Variants in ACYP2 observed in about 807,000 individuals in gnomAD.
ACYP2 encodes acylphosphatase 2, also known as acylphosphatase-2.
ACYP2 carries 12 observed loss-of-function variants against 11.2 expected under a neutral mutation model. That is an observed-to-expected ratio of 1.08 (90% CI 0.69 to 1.74). The LOEUF (loss-of-function observed/expected upper bound fraction) is 1.74. Among genes scored for constraint, ACYP2 ranks in the 40% most tolerant of loss-of-function variants. The pLI is 0.00. For missense variants in ACYP2, 134 were observed against 101.9 expected, an observed-to-expected ratio of 1.31 and a Z score of -1.35; for synonymous variants, 43 against 32.2, an observed-to-expected ratio of 1.33 and a Z score of -1.13.
intron 2 of ACYP2, among the ~76,000 whole-genome samples, chr2:54,045,577 G>T (rs1228610090): frequency 6.6e-6 from 1 of 152,122 alleles, no homozygotes; most frequent in Non-Finnish European, 1.5e-5. Flanking sequence ...AGCACTTTGG[G>T]AGGCCGAGGC....
chr2:54,049,838 G>A (rs1319506760), intron 2 of ACYP2, among the ~76,000 whole-genome samples: 1 of 152,010 alleles, frequency 6.6e-6, no homozygotes, highest in African/African-American at 2.4e-5. Context: ...TTTCTTCCTG[G>A]CACTATACTT....
rs535705695 is a variant in ACYP2 at position 54,304,818 on chromosome 2, G to A, written c.*16G>A. ...TAGATACTAATAGAAGAGAAAAATT[G>A]TAACACACTGAACAATAGATACTGT... On this transcript the variant is annotated 3_prime_UTR_variant, in exon 7 of 7. Transcript: ENST00000607452. 3.6e-6 allele frequency: 5 copies of A among 1,380,360 alleles called. No individual in the cohort carries two copies. The South Asian group carries it at 4.7e-5, about 13-fold the overall frequency. 85.5% of individuals were successfully genotyped at this position (1,380,360 alleles called of 1,614,324 possible). A position where few individuals can be genotyped will look rare whatever the true frequency, so the allele number is the denominator to read the frequency against.
intron 6 of ACYP2, among the ~76,000 whole-genome samples, chr2:54,231,531 G>A (rs1686237275): frequency 1.3e-5 from 2 of 152,174 alleles, no homozygotes; most frequent in African/African-American, 2.4e-5. Flanking sequence ...GGTAAAAGCA[G>A]GCATCACCAT....
chr2:54,190,503 T>C (rs906274975), intron 6 of ACYP2, among the ~76,000 whole-genome samples: 2 of 151,978 alleles, frequency 1.3e-5, no homozygotes, highest in Non-Finnish European at 2.9e-5. Flanking sequence ...CAATTATCTG[T>C]CTTCGTATCT....
chr2:54,234,908 C>T (rs1002180447), intron 6 of ACYP2, among the ~76,000 whole-genome samples: 1 of 152,132 alleles, frequency 6.6e-6, no homozygotes, highest in South Asian at 2.1e-4. Context: ...AATTCATGTT[C>T]CTCTGATGGG....
chr2:53,980,951 C>T (rs745794130), intron 2 of ACYP2, among the ~76,000 whole-genome samples: 3 of 151,930 alleles, frequency 2.0e-5, no homozygotes, highest in African/African-American at 4.8e-5. Flanking sequence ...GGGGTTTTGC[C>T]GTGTTGCCCA....
Position 54,252,678 on chromosome 2 carries a change from C to T in ACYP2, c.405-52010C>T, listed in dbSNP as rs540179414. 4.6e-5 allele frequency among the ~76,000 whole-genome samples: 7 copies of T among 152,008 alleles called. No individual in the cohort carries two copies. In the South Asian group the frequency reaches 8.3e-4, roughly 18 times the overall value. ...TAAAATAAATATGCCAATGGTCGGGCGGATCACAAGGTCAGGAGATTTGAG... is the reference window on the plus strand; with the variant it reads ...TAAAATAAATATGCCAATGGTCGGGTGGATCACAAGGTCAGGAGATTTGAG... On this transcript the variant is annotated intron_variant, in intron 6 of 6. Coordinates refer to ENST00000607452, the MANE Select transcript of ACYP2 (RefSeq NM_001320586.2).
rs796821429 is a variant in ACYP2, at chr2:54,077,658, A to C, written c.277+20298A>C. Reference sequence around the variant, plus strand: ...AGAGTGTCCAGCAAAATTGTTCTGCAAGGGAAGCAGCCCTTCAAGGAGGCT... The same window carrying C: ...AGAGTGTCCAGCAAAATTGTTCTGCCAGGGAAGCAGCCCTTCAAGGAGGCT... On this transcript the variant is annotated intron_variant, in intron 4 of 6. Transcript: ENST00000607452. Among the ~76,000 whole-genome samples, 7 of 152,372 alleles carry C rather than the reference A, an allele frequency of 4.6e-5. 1 individual carries two copies. The highest frequency in any genetic ancestry group is 1.4e-4 in the African/African-American group (6 of 41,594).
At chr2:54,202,374 T>G (rs1197741291) in intron 6 of ACYP2, among the ~76,000 whole-genome samples, 5 of 150,468 alleles carry the variant, frequency 3.3e-5, no homozygotes, top group Admixed American at 6.6e-5. Flanking sequence ...CCCAAAGTGC[T>G]GGGATTACAG....
At chr2:54,003,241 C>G (rs1573492704) in intron 2 of ACYP2, among the ~76,000 whole-genome samples, 1 of 152,050 alleles carries the variant, frequency 6.6e-6, no homozygotes, top group Non-Finnish European at 1.5e-5. Flanking sequence ...AGCCAGTGCG[C>G]CCAGCCGAGC....
At chr2:54,238,403 A>T (rs181900052) in intron 6 of ACYP2, among the ~76,000 whole-genome samples, 2 of 152,326 alleles carry the variant, frequency 1.3e-5, no homozygotes, top group East Asian at 3.9e-4. Flanking sequence ...AGGAGAATGA[A>T]TGAATGATTA....
At chr2:54,108,470 G>T (rs1267488836) in intron 4 of ACYP2, among the ~76,000 whole-genome samples, 1 of 152,188 alleles carries the variant, frequency 6.6e-6, no homozygotes, top group Non-Finnish European at 1.5e-5. Flanking sequence ...AAGTGTGTGT[G>T]AACTAAGAAG....
At chr2:54,280,957 T>C (rs1029160387) in intron 6 of ACYP2, among the ~76,000 whole-genome samples, 1 of 152,054 alleles carries the variant, frequency 6.6e-6, no homozygotes, top group Non-Finnish European at 1.5e-5. Flanking sequence ...GGAAGGTATA[T>C]AAAAGCCAGG....
intron 6 of ACYP2, among the ~76,000 whole-genome samples, chr2:54,173,060 C>T (rs556113206): frequency 1.2e-4 from 19 of 152,196 alleles, no homozygotes; most frequent in African/African-American, 4.1e-4. Flanking sequence ...GGTTATATAC[C>T]CAGTAATGGG....
chr2:54,230,775 C>T (rs763138330), intron 6 of ACYP2, among the ~76,000 whole-genome samples: 3 of 151,740 alleles, frequency 2.0e-5, no homozygotes, highest in Non-Finnish European at 4.4e-5. Context: ...GCCTGGAAGC[C>T]CCGCTTTGAG....
At chr2:54,260,080 A>C (rs1687713573) in intron 6 of ACYP2, among the ~76,000 whole-genome samples, 1 of 152,176 alleles carries the variant, frequency 6.6e-6, no homozygotes, top group Non-Finnish European at 1.5e-5. Context: ...GAGGAGGTGG[A>C]ATCTAGTACC....
chr2:54,017,064 T>TGGCAGAAGGGTTGAAAAG (rs1161139944), intron 2 of ACYP2, among the ~76,000 whole-genome samples: 4 of 151,930 alleles, frequency 2.6e-5, no homozygotes, highest in Non-Finnish European at 5.9e-5. Context: ...GATTCTCACA[T>TGGCAGAAGGGTTGAAAAG]GGCAGAAGGG....
At chr2:54,183,292 A>T (rs1023263185) in intron 6 of ACYP2, among the ~76,000 whole-genome samples, 1 of 152,228 alleles carries the variant, frequency 6.6e-6, no homozygotes, top group African/African-American at 2.4e-5. Flanking sequence ...TTAGATGAGT[A>T]ATAAGATAAT....
At chr2:54,020,405 G>T (rs1214812964) in intron 2 of ACYP2, among the ~76,000 whole-genome samples, 3 of 152,108 alleles carry the variant, frequency 2.0e-5, no homozygotes, top group Non-Finnish European at 4.4e-5. Flanking sequence ...TCCTACCAGA[G>T]ACTATAAAAC....
Sources: gnomAD v4.1 joint callset for allele counts (sites outside exome capture counted in the v4.1 genomes callset) on GRCh38, gnomAD v4.1.1 for gene constraint, MANE v1.5 for transcripts, NCBI Gene and HGNC (gene_info 2026-07-23, HGNC 2026-07-21) for gene names.